The following RBFOX1 variants were observed in gnomAD, a reference collection of about 807,000 sequenced individuals.
RBFOX1 encodes the protein RNA binding protein fox-1 homolog 1.
RBFOX1 carries 8 observed loss-of-function variants against 57.7 expected under a neutral mutation model. The ratio of observed to expected loss-of-function variants is 0.14; its 90% CI spans 0.08 to 0.25. The LOEUF is 0.25. Among genes scored for constraint, RBFOX1 ranks in the 10% least tolerant of loss-of-function variants. The pLI, the probability that RBFOX1 is intolerant of heterozygous loss-of-function variation, is 1.00. For synonymous variants in RBFOX1, 326 were observed against 222.4 expected (o/e 1.47, Z -4.15); for missense variants, 611 against 548.5 (o/e 1.11, Z -1.14).
chr16:5,694,322 C>G (rs564849956), intron 3 of RBFOX1, among the ~76,000 whole-genome samples: 2 of 152,190 alleles, frequency 1.3e-5, no homozygotes, highest in East Asian at 1.9e-4. Context: ...TTTACCTTGT[C>G]ATTATAGAGC....
intron 3 of RBFOX1, among the ~76,000 whole-genome samples, chr16:6,721,164 C>T (rs190953191): frequency 6.1e-4 from 93 of 152,254 alleles, no homozygotes; most frequent in South Asian, 1.4e-3. Flanking sequence ...TCATGTTGGC[C>T]GGGCACGGTG....
intron 1 of RBFOX1, among the ~76,000 whole-genome samples, chr16:5,302,955 T>G (rs1358119404): frequency 3.3e-5 from 5 of 152,244 alleles, no homozygotes; most frequent in Non-Finnish European, 7.3e-5. Flanking sequence ...TGGTCAGGTT[T>G]AAGTCTATCT....
At chr16:5,307,951 T>G (rs1374373237) in intron 1 of RBFOX1, among the ~76,000 whole-genome samples, 1 of 152,162 alleles carries the variant, frequency 6.6e-6, no homozygotes, top group African/African-American at 2.4e-5. Flanking sequence ...GTGCTGAAAT[T>G]ACAAGCTTGA....
chr16:6,390,208 G>T (rs566990474), intron 2 of RBFOX1, among the ~76,000 whole-genome samples: 3 of 152,296 alleles, frequency 2.0e-5, no homozygotes, highest in African/African-American at 7.2e-5. Context: ...ACATGCAATG[G>T]ATGTATTTAC....
At chr16:6,196,313 G>A (rs1015881836) in intron 1 of RBFOX1, among the ~76,000 whole-genome samples, 3 of 152,196 alleles carry the variant, frequency 2.0e-5, no homozygotes, top group Admixed American at 2.0e-4. Flanking sequence ...CATCTGTCAA[G>A]TTACTGGATA....
At position 5,759,150 on chromosome 16, in the gene RBFOX1, A is replaced by C. The variant is rs189177660; in HGVS notation, c.319-108153A>C. 7.3e-4 allele frequency among the ~76,000 whole-genome samples: 111 copies of C among 152,280 alleles called. 1 individual carries two copies. Among genetic ancestry groups the C allele is most frequent in the Non-Finnish European group, 4.0e-4 (27 of 68,014 alleles). ...CCTTTTGATGTTTATTTTTGGCAGT[A>C]TCAGTAGGGGTTCATTAGCCTAACT... is the stretch of plus-strand genomic sequence containing the variant. On this transcript the variant is annotated intron_variant, in intron 3 of 19. Coordinates refer to the RBFOX1 transcript ENST00000641259.
At chr16:6,177,024 C>G (rs936508350) in intron 1 of RBFOX1, among the ~76,000 whole-genome samples, 1 of 152,146 alleles carries the variant, frequency 6.6e-6, no homozygotes, top group Non-Finnish European at 1.5e-5. Flanking sequence ...CAGCTCCTGT[C>G]TGCATCCATT....
Position 5,974,455 on chromosome 16 carries a change from A to G in RBFOX1, c.351+107120A>G, listed in dbSNP as rs553500469. ...GAAACCCCGTCCCTACTAAAAATACAAAAAATTAGCTGGCCGTGGTGGTGT... is the reference window on the plus strand; with the variant it reads ...GAAACCCCGTCCCTACTAAAAATACGAAAAATTAGCTGGCCGTGGTGGTGT... On this transcript the variant is annotated intron_variant, in intron 4 of 19. Coordinates refer to the RBFOX1 transcript ENST00000641259. 3.3e-5 allele frequency among the ~76,000 whole-genome samples: 5 copies of G among 151,974 alleles called. No individual in the cohort carries two copies. In the South Asian group the frequency reaches 8.3e-4, roughly 25 times the overall value.
At chr16:5,447,758 C>T (rs1056450098) in intron 1 of RBFOX1, among the ~76,000 whole-genome samples, 1 of 152,214 alleles carries the variant, frequency 6.6e-6, no homozygotes, top group African/African-American at 2.4e-5. Context: ...TGATGTTATC[C>T]TCCCACTTTT....
chr16:7,335,240 G>A (rs967404321), intron 4 of RBFOX1, among the ~76,000 whole-genome samples: 1 of 152,200 alleles, frequency 6.6e-6, no homozygotes, highest in Non-Finnish European at 1.5e-5. Context: ...TTGCTCACTA[G>A]TTTCTTGACC....
At chr16:6,028,031 G>A (rs535083668) in intron 1 of RBFOX1, among the ~76,000 whole-genome samples, 1 of 152,314 alleles carries the variant, frequency 6.6e-6, no homozygotes, top group South Asian at 2.1e-4. Flanking sequence ...TTCAGCAACA[G>A]TAGCCCTGGC....
chr16:5,395,073 G>T (rs1194436751), intron 1 of RBFOX1, among the ~76,000 whole-genome samples: 1 of 152,152 alleles, frequency 6.6e-6, no homozygotes, highest in African/African-American at 2.4e-5. Context: ...CAACCTGCCC[G>T]TTCAGCCTTG....
chr16:7,520,373 A>T (rs1415626083), intron 5 of RBFOX1, among the ~76,000 whole-genome samples: 3 of 152,128 alleles, frequency 2.0e-5, no homozygotes, highest in African/African-American at 7.2e-5. Context: ...TAGTTTGAGA[A>T]TGTTCCTAGC....
At chr16:7,356,503 C>A (rs2097216655) in intron 4 of RBFOX1, among the ~76,000 whole-genome samples, 1 of 151,812 alleles carries the variant, frequency 6.6e-6, no homozygotes, top group Non-Finnish European at 1.5e-5. Flanking sequence ...GGAGGAGGAG[C>A]CTGGCAGGAA....
chr16:7,375,004 G>T (rs1371079235), intron 4 of RBFOX1, among the ~76,000 whole-genome samples: 1 of 152,226 alleles, frequency 6.6e-6, no homozygotes, highest in South Asian at 2.1e-4. Flanking sequence ...AGGAGATGTA[G>T]AGATATTCTC....
At chr16:5,942,359 T>C (rs1356034575) in intron 4 of RBFOX1, among the ~76,000 whole-genome samples, 3 of 152,210 alleles carry the variant, frequency 2.0e-5, no homozygotes, top group Non-Finnish European at 4.4e-5. Context: ...AGTCTGCTTC[T>C]GGGTGAGAGC....
intron 1 of RBFOX1, among the ~76,000 whole-genome samples, chr16:6,254,006 C>T (rs1050529408): frequency 6.6e-6 from 1 of 152,146 alleles, no homozygotes; most frequent in Non-Finnish European, 1.5e-5. Flanking sequence ...GGTTCCATGA[C>T]AAACATACAC....
chr16:6,995,403 A>T (rs1032291112), intron 3 of RBFOX1, among the ~76,000 whole-genome samples: 2 of 149,766 alleles, frequency 1.3e-5, no homozygotes, highest in Non-Finnish European at 3.0e-5. Flanking sequence ...TATTATTGTG[A>T]CGTGTGATAG....
At position 7,360,827 on chromosome 16, in the gene RBFOX1, C is replaced by A. The variant is rs952153061; in HGVS notation, c.28-157320C>A. 3.3e-5 allele frequency among the ~76,000 whole-genome samples: 5 copies of A among 152,218 alleles called. No individual in the cohort carries two copies. The South Asian group carries it at 1.0e-3, about 32-fold the overall frequency. ...CACAGTGCCATTAATTAGGCTTGTACATTCCAGCCCTGCCTCCCAGAGATT... is the reference window on the plus strand; with the variant it reads ...CACAGTGCCATTAATTAGGCTTGTAAATTCCAGCCCTGCCTCCCAGAGATT... On this transcript the variant is annotated intron_variant, in intron 4 of 15. Coordinates refer to ENST00000550418, the MANE Select transcript of RBFOX1 (RefSeq NM_018723.4).
Sources: gnomAD v4.1 joint callset for allele counts (sites outside exome capture counted in the v4.1 genomes callset) on GRCh38, gnomAD v4.1.1 for gene constraint, MANE v1.5 for transcripts, NCBI Gene and HGNC (gene_info 2026-07-23, HGNC 2026-07-21) for gene names.